KCNIP4: variants seen among roughly 807,000 people sequenced by gnomAD.
The protein encoded by KCNIP4 is Kv channel-interacting protein 4.
Under a neutral mutation model 34.0 loss-of-function variants are expected in KCNIP4, and 12 were observed. That is an observed-to-expected ratio of 0.35 (90% CI 0.23 to 0.57). The LOEUF is 0.57. Ranked by LOEUF, KCNIP4 falls within the 20% of genes least tolerant of loss-of-function variation. KCNIP4 has a pLI of 0.83. For synonymous variants in KCNIP4, 124 were observed against 102.2 expected (o/e 1.21, Z -1.29); for missense variants, 238 against 311.7 (o/e 0.76, Z 1.78).
At chr4:21,557,292 C>T (rs113838921) in intron 1 of KCNIP4, among the ~76,000 whole-genome samples, 5 of 152,000 alleles carry the variant, frequency 3.3e-5, no homozygotes, top group East Asian at 1.9e-4. Context: ...TATTTTCCAC[C>T]GTGGATATTA....
chr4:20,869,613 A>G (rs1216049583), intron 2 of KCNIP4, among the ~76,000 whole-genome samples: 1 of 152,062 alleles, frequency 6.6e-6, no homozygotes, highest in East Asian at 1.9e-4. Context: ...CTCTGGCTGG[A>G]CAATGTGTTT....
chr4:21,085,576 C>A (rs1241531325), intron 1 of KCNIP4, among the ~76,000 whole-genome samples: 1 of 152,114 alleles, frequency 6.6e-6, no homozygotes, highest in African/African-American at 2.4e-5. Context: ...CCTGGTGACA[C>A]CAAGCCAACA....
chr4:20,940,516 A>G (rs1162078075), intron 1 of KCNIP4, among the ~76,000 whole-genome samples: 2 of 152,150 alleles, frequency 1.3e-5, no homozygotes, highest in Non-Finnish European at 2.9e-5. Context: ...TCATGTTCAG[A>G]GATTGATGAA....
intron 3 of KCNIP4, among the ~76,000 whole-genome samples, chr4:20,844,687 C>G (rs1322756182): frequency 6.6e-6 from 1 of 152,138 alleles, no homozygotes; most frequent in African/African-American, 2.4e-5. Flanking sequence ...CCTTTCCCAC[C>G]ATAAATCGGA....
At chr4:20,782,532 G>A (rs1409223914) in intron 3 of KCNIP4, among the ~76,000 whole-genome samples, 2 of 152,178 alleles carry the variant, frequency 1.3e-5, no homozygotes, top group Non-Finnish European at 1.5e-5. Flanking sequence ...CCACATGGAA[G>A]CTGCCAGGGC....
At chr4:21,860,618 CTTT>C (rs1444208726) in intron 1 of KCNIP4, among the ~76,000 whole-genome samples, 1 of 151,696 alleles carries the variant, frequency 6.6e-6, no homozygotes, top group Non-Finnish European at 1.5e-5. Flanking sequence ...TCTTAAAACA[CTTT>C]TAAGATAATT....
intron 1 of KCNIP4, among the ~76,000 whole-genome samples, chr4:21,877,126 A>T (rs570858604): frequency 6.6e-6 from 1 of 152,256 alleles, no homozygotes; most frequent in Non-Finnish European, 1.5e-5. Context: ...GGCCGAGGCG[A>T]TGGATCACCT....
chr4:20,918,238 G>A (rs1249664915), intron 1 of KCNIP4, among the ~76,000 whole-genome samples: 1 of 151,980 alleles, frequency 6.6e-6, no homozygotes, highest in African/African-American at 2.4e-5. Flanking sequence ...TCTGTAAAAT[G>A]TTCTAGGGCC....
At chr4:21,323,949 G>T (rs1714767329) in intron 1 of KCNIP4, among the ~76,000 whole-genome samples, 1 of 151,686 alleles carries the variant, frequency 6.6e-6, no homozygotes, top group South Asian at 2.1e-4. Flanking sequence ...TTTTAACTGG[G>T]GTGAGAAAAT....
At chr4:21,848,946 A>ATGTGTGTGTGTGTGTGTGTGTGTGTGTG (rs58096642) in intron 1 of KCNIP4, 1 of 128,446 alleles carries the variant, frequency 7.8e-6, no homozygotes, top group Non-Finnish European at 1.7e-5. Context: ...ATATACATAT[A>ATGTGTGTGTGTGTGTGTGTGTGTGTGTG]TGTGTGTGTG....
chr4:21,853,285 A>G (rs1258854873), intron 1 of KCNIP4: 2 of 152,166 alleles, frequency 1.3e-5, no homozygotes, highest in African/African-American at 4.8e-5. Flanking sequence ...ATAGGGCTCT[A>G]ATATTTTACT....
intron 1 of KCNIP4, among the ~76,000 whole-genome samples, chr4:21,597,376 C>T (rs1462849129): frequency 1.3e-5 from 2 of 152,112 alleles, no homozygotes; most frequent in African/African-American, 4.8e-5. Context: ...TCTATTAAAT[C>T]TCTTTTTCTT....
At chr4:21,730,785 T>C (rs1418252101) in intron 1 of KCNIP4, among the ~76,000 whole-genome samples, 1 of 152,122 alleles carries the variant, frequency 6.6e-6, no homozygotes, top group Non-Finnish European at 1.5e-5. Context: ...AATTACTACA[T>C]AGGTCACTTG....
intron 8 of KCNIP4, 65 bp downstream of exon 8, chr4:20,731,941 C>T: frequency 6.3e-7 from 1 of 1,598,424 alleles, no homozygotes; most frequent in Non-Finnish European, 8.5e-7. Context: ...TGGTAGCTAG[C>T]TGCTAATACT....
At chr4:21,847,541 T>C (rs1724097793) in intron 1 of KCNIP4, 1 of 152,304 alleles carries the variant, frequency 6.6e-6, no homozygotes, top group South Asian at 2.1e-4. Flanking sequence ...CGCAGGAATA[T>C]TGTGAGGGGA....
intron 1 of KCNIP4, among the ~76,000 whole-genome samples, chr4:21,328,147 T>C (rs1715276983): frequency 6.6e-6 from 1 of 152,090 alleles, no homozygotes; most frequent in African/African-American, 2.4e-5. Context: ...ATTCAACAGT[T>C]AGGTATTTAT....
intron 3 of KCNIP4, among the ~76,000 whole-genome samples, chr4:20,813,946 T>C (rs1024143891): frequency 1.3e-5 from 2 of 152,206 alleles, no homozygotes; most frequent in African/African-American, 4.8e-5. Context: ...TAGTTGTTCA[T>C]CTTGTCACAG....
chr4:21,046,392 T>G (rs1742420204), intron 1 of KCNIP4, among the ~76,000 whole-genome samples: 1 of 152,204 alleles, frequency 6.6e-6, no homozygotes, highest in Non-Finnish European at 1.5e-5. Flanking sequence ...CATCCTTTTC[T>G]CCGCCCAATT....
At chr4:21,701,431 T>C (rs562699225) in intron 1 of KCNIP4, among the ~76,000 whole-genome samples, 1 of 152,290 alleles carries the variant, frequency 6.6e-6, no homozygotes, top group South Asian at 2.1e-4. Context: ...GAAAGATAAG[T>C]AGGTGAGGTA....
Sources: gnomAD v4.1 joint callset for allele counts (sites outside exome capture counted in the v4.1 genomes callset) on GRCh38, gnomAD v4.1.1 for gene constraint, MANE v1.5 for transcripts, NCBI Gene and HGNC (gene_info 2026-07-23, HGNC 2026-07-21) for gene names.